PLCL1: variants seen among roughly 807,000 people sequenced by gnomAD.
The protein encoded by PLCL1 is phospholipase C like 1 (inactive).
In PLCL1, 41 loss-of-function variants were observed where a neutral mutation model predicts 84.4. That is an observed-to-expected ratio of 0.49 (90% CI 0.38 to 0.63). The LOEUF (loss-of-function observed/expected upper bound fraction) is 0.63, where lower values mean the gene tolerates loss of function less well. Ranked by LOEUF, PLCL1 falls within the 30% of genes least tolerant of loss-of-function variation. The pLI is 0.00. For missense variants in PLCL1, 1,206 were observed against 1,367.8 expected (o/e 0.88, Z 1.87); for synonymous variants, 490 against 488.3 (o/e 1.00, Z -0.05).
At chr2:198,023,810 T>C (rs1691197233) in intron 1 of PLCL1, among the ~76,000 whole-genome samples, 1 of 152,136 alleles carries the variant, frequency 6.6e-6, no homozygotes, top group African/African-American at 2.4e-5. Context: ...GAGTGTAAAT[T>C]AGTTCAAGCA....
At chr2:197,810,265 G>C (rs1003854553) in intron 1 of PLCL1, 27 of 1,255,532 alleles carry the variant, frequency 2.2e-5, no homozygotes, top group Non-Finnish European at 2.4e-5. Flanking sequence ...CTTATTGCAG[G>C]GTCTTTCTGA....
At chr2:198,058,680 T>C (rs1692121467) in intron 1 of PLCL1, among the ~76,000 whole-genome samples, 1 of 151,998 alleles carries the variant, frequency 6.6e-6, no homozygotes, top group African/African-American at 2.4e-5. Flanking sequence ...CCAGATATCA[T>C]AGCAATCTAA....
At chr2:198,117,127 TG>T (rs1215457362) in intron 5 of PLCL1, among the ~76,000 whole-genome samples, 2 of 151,858 alleles carry the variant, frequency 1.3e-5, no homozygotes, top group Admixed American at 1.3e-4. Context: ...TTCCTTTTCT[TG>T]GGTCAAAAAA....
chr2:197,895,659 TA>T (rs1300390270), intron 1 of PLCL1, among the ~76,000 whole-genome samples: 1 of 151,998 alleles, frequency 6.6e-6, no homozygotes, highest in Non-Finnish European at 1.5e-5. Flanking sequence ...ATTTGGTAAA[TA>T]ATCAAGAAGC....
intron 5 of PLCL1, 89 bp from the exon 6 acceptor site, chr2:198,146,691 A>C (rs564051201): frequency 9.5e-7 from 1 of 1,051,838 alleles, no homozygotes; most frequent in South Asian, 2.0e-5. Context: ...CTTATTCAGC[A>C]ATGGGCAGTA....
chr2:198,048,958 T>A (rs1691867847), intron 1 of PLCL1, among the ~76,000 whole-genome samples: 1 of 152,186 alleles, frequency 6.6e-6, no homozygotes, highest in Admixed American at 6.5e-5. Flanking sequence ...AGTGAATGGC[T>A]TATGCCTCAA....
chr2:198,096,633 A>C (rs376708841), intron 3 of PLCL1, among the ~76,000 whole-genome samples: 39 of 152,344 alleles, frequency 2.6e-4, no homozygotes, highest in Admixed American at 1.6e-3. Flanking sequence ...CATTAACATA[A>C]AAGTTAAAAC....
At chr2:197,922,018 A>T (rs796308756) in intron 1 of PLCL1, among the ~76,000 whole-genome samples, 27,784 of 105,300 alleles carry the variant, frequency 0.26, 2,898 homozygotes, top group East Asian at 0.38. Context: ...TTTTTTTTTT[A>T]AATTTATTTT....
chr2:197,892,865 C>T (rs1255413665), intron 1 of PLCL1, among the ~76,000 whole-genome samples: 2 of 151,970 alleles, frequency 1.3e-5, no homozygotes, highest in South Asian at 2.1e-4. Flanking sequence ...TGTGGTGGCA[C>T]GCGCCTGTAG....
In PLCL1 at chr2:197,929,252, A is replaced by G. The variant is rs577820482; in HGVS notation, c.240+123913A>G. Among the ~76,000 whole-genome samples, 6 of 152,250 alleles carry G rather than the reference A, an allele frequency of 3.9e-5. No homozygotes were observed. The South Asian group carries it at 1.2e-3, about 32-fold the overall frequency. On this transcript the variant is annotated intron_variant, in intron 1 of 5. Transcript: ENST00000428675. Reference sequence around the variant, plus strand: ...TCTGGGGTCCTGGAACCAATCCCCCATGGATATGGAGGGCCGACTGTAAAC... The same window carrying G: ...TCTGGGGTCCTGGAACCAATCCCCCGTGGATATGGAGGGCCGACTGTAAAC...
chr2:197,989,240 C>T (rs1321681728), intron 1 of PLCL1, among the ~76,000 whole-genome samples: 4 of 152,100 alleles, frequency 2.6e-5, no homozygotes, highest in African/African-American at 7.2e-5. Flanking sequence ...CCATACTGAG[C>T]ATTGGGGAAA....
At chr2:198,108,343 A>G (rs1366100180) in intron 5 of PLCL1, among the ~76,000 whole-genome samples, 2 of 151,982 alleles carry the variant, frequency 1.3e-5, no homozygotes, top group Admixed American at 6.6e-5. Flanking sequence ...CCTACTATCT[A>G]GAGAGAGGGA....
chr2:197,829,407 G>A (rs1401522578), intron 1 of PLCL1, among the ~76,000 whole-genome samples: 5 of 152,092 alleles, frequency 3.3e-5, no homozygotes, highest in Non-Finnish European at 7.4e-5. Flanking sequence ...GAAATTAAAA[G>A]TAATTCAATT....
At chr2:197,844,652 T>A (rs1687085968) in intron 1 of PLCL1, among the ~76,000 whole-genome samples, 1 of 152,134 alleles carries the variant, frequency 6.6e-6, no homozygotes, top group African/African-American at 2.4e-5. Context: ...TGGCTAAGGA[T>A]TTCTAATATG....
intron 5 of PLCL1, among the ~76,000 whole-genome samples, chr2:198,109,076 G>T (rs1693556685): frequency 6.6e-6 from 1 of 151,918 alleles, no homozygotes; most frequent in East Asian, 2.0e-4. Context: ...TCCTTCTTGT[G>T]CTGATATAAT....
Position 197,866,032 on chromosome 2 carries a change from A to ATATATAT in PLCL1, c.240+60693_240+60694insTATATAT, listed in dbSNP as rs1460970872. ...CTCCAAAAAAAAAAAAAAAAAAAAA[A>ATATATAT]AAAAATATATATATATATATACACA... On this transcript the variant is annotated intron_variant, in intron 1 of 5. Transcript: ENST00000428675. Among the ~76,000 whole-genome samples, 54 of 56,262 alleles carry ATATATAT rather than the reference A, an allele frequency of 9.6e-4. 5 individuals are homozygous for ATATATAT. The highest frequency in any genetic ancestry group is 2.6e-3 in the African/African-American group (20 of 7,744). The allele number at this position is 56,262 out of a possible 152,430, so 36.9% of individuals were successfully genotyped here.
chr2:197,851,083 T>C (rs1687227287), intron 1 of PLCL1, among the ~76,000 whole-genome samples: 1 of 152,240 alleles, frequency 6.6e-6, no homozygotes, highest in Non-Finnish European at 1.5e-5. Context: ...TTTGAGTTAG[T>C]CATCACTGGG....
At chr2:197,811,123 C>A (rs974739742) in intron 1 of PLCL1, among the ~76,000 whole-genome samples, 2 of 152,142 alleles carry the variant, frequency 1.3e-5, no homozygotes, top group Non-Finnish European at 2.9e-5. Context: ...CCTATCTATC[C>A]TAGATCATCT....
chr2:198,003,243 T>G (rs1004700382), intron 1 of PLCL1, among the ~76,000 whole-genome samples: 2 of 152,214 alleles, frequency 1.3e-5, no homozygotes, highest in African/African-American at 4.8e-5. Flanking sequence ...TACAATTTTT[T>G]TTAATATCTT....
Sources: gnomAD v4.1 joint callset for allele counts (sites outside exome capture counted in the v4.1 genomes callset) on GRCh38, gnomAD v4.1.1 for gene constraint, MANE v1.5 for transcripts, NCBI Gene and HGNC (gene_info 2026-07-23, HGNC 2026-07-21) for gene names.